Variants in SSBP1 observed in about 807,000 individuals in gnomAD.
SSBP1 encodes the protein single stranded DNA binding protein 1, also known as single-stranded DNA-binding protein, mitochondrial.
SSBP1 carries 20 observed loss-of-function variants against 27.0 expected under a neutral mutation model. The observed-to-expected ratio is 0.74, with a 90% CI of 0.52 to 1.08. The LOEUF is 1.08. SSBP1 is among the 50% of genes least tolerant of loss of function. SSBP1 has a pLI of 0.00. For synonymous variants in SSBP1, 59 were observed against 59.3 expected (o/e 1.00, Z 0.02); for missense variants, 137 against 182.4 (o/e 0.75, Z 1.44).
chr7:141,740,167 C>G (rs1385725978), intron 2 of SSBP1: 5 of 152,224 alleles, frequency 3.3e-5, no homozygotes, highest in Middle Eastern at 6.8e-3. Context: ...TTCTCATTAG[C>G]AGTTTGATTC....
At chr7:141,745,723 CT>C in intron 6 of SSBP1, 139 bp downstream of exon 6, 1 of 1,394,294 alleles carries the variant, frequency 7.2e-7, no homozygotes, top group Non-Finnish European at 9.4e-7. Context: ...GTCCATAACT[CT>C]TATTTCTCTA....
chr7:141,740,697 G>A (rs183184391), intron 2 of SSBP1: 1 of 152,128 alleles, frequency 6.6e-6, no homozygotes, highest in Non-Finnish European at 1.5e-5. Context: ...TTGGACAGTC[G>A]AGTCTTTGTG....
intron 6 of SSBP1, among the ~76,000 whole-genome samples, chr7:141,747,088 T>C (rs970575306): frequency 6.6e-6 from 1 of 152,196 alleles, no homozygotes; most frequent in Non-Finnish European, 1.5e-5. Flanking sequence ...AAGAATTCTA[T>C]GACAAATTCT....
At chr7:141,745,339 A>C (rs1400544748) in intron 5 of SSBP1, among the ~76,000 whole-genome samples, 157 bp from the exon 6 acceptor site, 1 of 152,214 alleles carries the variant, frequency 6.6e-6, no homozygotes, top group African/African-American at 2.4e-5. Flanking sequence ...ACTCTGTTTC[A>C]GTACTCCTAA....
intron 6 of SSBP1, among the ~76,000 whole-genome samples, chr7:141,748,777 T>C (rs1168489731): frequency 2.0e-5 from 3 of 152,222 alleles, no homozygotes; most frequent in Non-Finnish European, 4.4e-5. Flanking sequence ...TAGAGTTTAT[T>C]GGTTGATCTG....
intron 4 of SSBP1, 81 bp from the exon 5 acceptor site, chr7:141,743,821 C>G: frequency 6.5e-7 from 1 of 1,547,718 alleles, no homozygotes. Context: ...TCTGTTTGTT[C>G]TCTTAGAAAT....
chr7:141,739,854 T>G (rs576184079), intron 2 of SSBP1: 1 of 152,340 alleles, frequency 6.6e-6, no homozygotes, highest in East Asian at 1.9e-4. Context: ...ACCTTAATCC[T>G]ATATTCTTGG....
At chr7:141,746,676 A>C (rs2117191250) in intron 6 of SSBP1, 1 of 152,328 alleles carries the variant, frequency 6.6e-6, no homozygotes, top group South Asian at 2.1e-4. Context: ...ATACAGTACA[A>C]CATAGAAAAG....
intron 6 of SSBP1, 194 bp downstream of exon 6, chr7:141,745,778 T>C: frequency 9.1e-6 from 12 of 1,325,690 alleles, no homozygotes; most frequent in Middle Eastern, 2.8e-4. Flanking sequence ...TAAAAAATTA[T>C]TTTTATACTT....
At chr7:141,745,763 T>A in intron 6 of SSBP1, 179 bp downstream of exon 6, 1 of 1,337,168 alleles carries the variant, frequency 7.5e-7, no homozygotes, top group Non-Finnish European at 9.6e-7. Flanking sequence ...ATTTATCCCT[T>A]CCTTTAAAAA....
At chr7:141,741,934 T>G in intron 2 of SSBP1, 1 of 581,328 alleles carries the variant, frequency 1.7e-6, no homozygotes, top group South Asian at 7.0e-5. Context: ...AACTTAACTT[T>G]GAGCATGCCT....
intron 6 of SSBP1, among the ~76,000 whole-genome samples, chr7:141,746,678 A>C (rs1473512054): frequency 1.3e-5 from 2 of 152,226 alleles, no homozygotes; most frequent in East Asian, 1.9e-4. Context: ...ACAGTACAAC[A>C]TAGAAAAGAT....
rs1331475417 is a variant in SSBP1, at chr7:141,743,545, T to C, written c.86-16T>C. ...TATAGCAGGTTGTCTCATTTGGTCT[T>C]GATGTTGTGTTTCAGCCCTGAATCG... On this transcript the variant is annotated splice_polypyrimidine_tract_variant and intron_variant, in intron 3 of 6. Transcript: ENST00000265304. 1 of 1,613,424 alleles carries C rather than the reference T, an allele frequency of 6.2e-7. No homozygotes were observed. Among genetic ancestry groups the C allele is most frequent in the Non-Finnish European group, 8.5e-7 (1 of 1,179,636 alleles).
chr7:141,747,479 T>A (rs758435512), intron 6 of SSBP1, among the ~76,000 whole-genome samples: 1 of 139,898 alleles, frequency 7.1e-6, no homozygotes, highest in Non-Finnish European at 1.5e-5. Context: ...AACCTTCGCC[T>A]CCCGGGTTCA....
chr7:141,741,879 A>G (rs1429854694), intron 2 of SSBP1: 3 of 880,010 alleles, frequency 3.4e-6, no homozygotes, highest in Non-Finnish European at 4.4e-6. Context: ...CAAACACAGA[A>G]GTGCCATAAT....
chr7:141,745,307 A>T (rs1239181275), intron 5 of SSBP1, among the ~76,000 whole-genome samples, 189 bp from the exon 6 acceptor site: 1 of 152,198 alleles, frequency 6.6e-6, no homozygotes, highest in Admixed American at 6.5e-5. Context: ...TTTTACCTAG[A>T]TGTTACCAAG....
rs1799406277 is a variant in SSBP1, at chr7:141,739,111, T to C, written c.-43-13T>C. 1 of 1,519,048 alleles carries C rather than the reference T, an allele frequency of 6.6e-7. No homozygotes were observed. The highest frequency in any genetic ancestry group is 2.3e-5 in the East Asian group (1 of 44,002). The allele number at this position is 1,519,048 out of a possible 1,614,324, so 94.1% of individuals were successfully genotyped here. On this transcript the variant is annotated splice_polypyrimidine_tract_variant and intron_variant, in intron 1 of 6. Coordinates refer to ENST00000265304, the MANE Select transcript of SSBP1 (RefSeq NM_003143.3). Reference sequence around the variant, plus strand: ...AGGTAATGTTTTTTTCTTATTTTGTTTTTTTCCTTCAGGAAAAGCCTAAAG... The same window carrying C: ...AGGTAATGTTTTTTTCTTATTTTGTCTTTTTCCTTCAGGAAAAGCCTAAAG...
At chr7:141,743,473 G>C (rs963001711) in intron 3 of SSBP1, 88 bp from the exon 4 acceptor site, 9 of 1,484,064 alleles carry the variant, frequency 6.1e-6, no homozygotes, top group Non-Finnish European at 8.3e-6. Flanking sequence ...TTGAGGGTTA[G>C]AGCTTCAACA....
chr7:141,739,885 G>C (rs1236132669), intron 2 of SSBP1: 1 of 152,070 alleles, frequency 6.6e-6, no homozygotes, highest in Admixed American at 6.5e-5. Context: ...TAACCTGTAT[G>C]TATCTTTAAT....
Sources: allele counts gnomAD v4.1 joint callset (sites outside exome capture counted in the v4.1 genomes callset), GRCh38; gene constraint gnomAD v4.1.1; transcripts MANE v1.5; gene names NCBI Gene and HGNC (gene_info 2026-07-23, HGNC 2026-07-21).